The following RP1 variants were observed in gnomAD, a reference collection of about 807,000 sequenced individuals.
The protein encoded by RP1 is RP1 axonemal microtubule associated.
Under a neutral mutation model 14.8 loss-of-function variants are expected in RP1, and 16 were observed. That is an observed-to-expected ratio of 1.08 (90% CI 0.73 to 1.65). The LOEUF is 1.65. Among genes scored for constraint, RP1 ranks in the 40% most tolerant of loss-of-function variants. The probability of loss-of-function intolerance (pLI) is 0.00; values close to 1 mark genes in which losing one functional copy is unlikely to be tolerated. For synonymous variants in RP1, 876 were observed against 883.6 expected (o/e 0.99, Z 0.15); for missense variants, 2,631 against 2,535.0 (o/e 1.04, Z -0.81).
intron 1 of RP1, among the ~76,000 whole-genome samples, chr8:54,618,426 T>C (rs1024721975): frequency 1.3e-5 from 2 of 152,154 alleles, no homozygotes; most frequent in African/African-American, 4.8e-5. Context: ...CATAGATGTG[T>C]TCCCAAAGTG....
At position 54,643,798 on chromosome 8, in the gene RP1, T is replaced by G. The variant is rs1806494483; in HGVS notation, c.788-5187T>G. Among the ~76,000 whole-genome samples the G allele has an allele frequency of 3.3e-5, 5 of 152,294 alleles. No individual in the cohort carries two copies. The South Asian group carries it at 1.0e-3, about 32-fold the overall frequency. ...CTTGCAGCAGGGTAGCTGGAATGCC[T>G]GACTCCATCTTTGTGTAGCACTCTT... On this transcript the variant is annotated intron_variant, in intron 3 of 22. Coordinates refer to the RP1 transcript ENST00000636932.
At chr8:54,657,228 GTT>G (rs1015562156) in intron 6 of RP1, among the ~76,000 whole-genome samples, 2 of 152,114 alleles carry the variant, frequency 1.3e-5, no homozygotes, top group Non-Finnish European at 2.9e-5. Flanking sequence ...CTGAGAAGAT[GTT>G]CGCCAGGTGC....
intron 1 of RP1, among the ~76,000 whole-genome samples, chr8:54,620,744 T>C (rs1004053682): frequency 1.3e-5 from 2 of 152,230 alleles, no homozygotes; most frequent in African/African-American, 4.8e-5. Context: ...TTTCAAATTA[T>C]ACATATCCTT....
exon 4 of RP1, chr8:54,649,037 C>A (rs1585580604): frequency 1.3e-6 from 2 of 1,529,598 alleles, no homozygotes; most frequent in South Asian, 2.4e-5. Context: ...ATGCAGGGAC[C>A]AGCTCACAGA....
chr8:54,575,387 T>A (rs990461640), intron 1 of RP1, among the ~76,000 whole-genome samples: 5 of 151,216 alleles, frequency 3.3e-5, no homozygotes, highest in African/African-American at 1.2e-4. Context: ...GAAAAATTAT[T>A]TTTTTTTTAA....
chr8:54,623,696 G>A (rs1452747189), intron 3 of RP1, among the ~76,000 whole-genome samples: 2 of 152,170 alleles, frequency 1.3e-5, no homozygotes, highest in Admixed American at 1.3e-4. Context: ...GTCTAGCTCT[G>A]TTCTCTCTTG....
chr8:54,750,976 T>G (rs1809354472), intron 19 of RP1, among the ~76,000 whole-genome samples: 1 of 152,176 alleles, frequency 6.6e-6, no homozygotes, highest in African/African-American at 2.4e-5. Flanking sequence ...TCGGGTACCC[T>G]TCCACTCTGT....
intron 1 of RP1, among the ~76,000 whole-genome samples, chr8:54,590,956 A>G (rs1485548640): frequency 2.6e-5 from 4 of 152,170 alleles, no homozygotes; most frequent in Non-Finnish European, 5.9e-5. Flanking sequence ...ACCCAAACCT[A>G]AAGGTTAAAC....
intron 24 of RP1, among the ~76,000 whole-genome samples, chr8:54,825,747 G>A (rs570865523): frequency 1.3e-5 from 2 of 152,248 alleles, no homozygotes; most frequent in African/African-American, 4.8e-5. Flanking sequence ...TTCTTTAGTT[G>A]TATCAAGTTT....
At chr8:54,848,194 A>G (rs1811975561) in intron 25 of RP1, among the ~76,000 whole-genome samples, 1 of 152,060 alleles carries the variant, frequency 6.6e-6, no homozygotes, top group Non-Finnish European at 1.5e-5. Flanking sequence ...GGGCAGCAAA[A>G]GTTCCTGAGT....
At chr8:54,735,444 T>C (rs1467833624) in intron 18 of RP1, among the ~76,000 whole-genome samples, 1 of 152,166 alleles carries the variant, frequency 6.6e-6, no homozygotes, top group East Asian at 1.9e-4. Flanking sequence ...CTCTTTGGTG[T>C]ACTGTTAAAC....
intron 1 of RP1, among the ~76,000 whole-genome samples, chr8:54,564,930 A>AT (rs1409206549): frequency 1.3e-5 from 2 of 152,072 alleles, no homozygotes; most frequent in East Asian, 3.9e-4. Flanking sequence ...TTTATTTTTT[A>AT]TTTTTTGTAG....
At chr8:54,831,651 T>C (rs1811532470) in intron 24 of RP1, among the ~76,000 whole-genome samples, 1 of 151,832 alleles carries the variant, frequency 6.6e-6, no homozygotes, top group African/African-American at 2.4e-5. Flanking sequence ...TATATTTGCT[T>C]TAAACAGTCC....
intron 12 of RP1, among the ~76,000 whole-genome samples, chr8:54,694,943 T>C (rs1807819550): frequency 6.6e-6 from 1 of 152,202 alleles, no homozygotes; most frequent in Non-Finnish European, 1.5e-5. Context: ...TCCTGCTTTC[T>C]CTTGTGGGCA....
intron 21 of RP1, among the ~76,000 whole-genome samples, chr8:54,756,563 T>A (rs1235965397): frequency 6.6e-6 from 1 of 152,142 alleles, no homozygotes; most frequent in African/African-American, 2.4e-5. Context: ...CTGCTTTGAG[T>A]GAGTCAAAAG....
At chr8:54,870,529 C>G (rs954581711) in exon 29 of RP1, 1 of 152,178 alleles carries the variant, frequency 6.6e-6, no homozygotes, top group East Asian at 1.9e-4. Flanking sequence ...TGTGGGTCCA[C>G]TTGCAGTTTG....
intron 1 of RP1, among the ~76,000 whole-genome samples, chr8:54,591,590 T>A (rs1805043932): frequency 6.6e-6 from 1 of 152,144 alleles, no homozygotes; most frequent in African/African-American, 2.4e-5. Flanking sequence ...ATCTTATTTA[T>A]CAACTTGCTT....
intron 1 of RP1, among the ~76,000 whole-genome samples, chr8:54,607,549 G>C (rs1027644835): frequency 1.3e-5 from 2 of 152,168 alleles, no homozygotes; most frequent in African/African-American, 4.8e-5. Flanking sequence ...CATGCTGGGA[G>C]AACCACTACT....
At chr8:54,789,109 T>C (rs577448195) in intron 24 of RP1, among the ~76,000 whole-genome samples, 17 of 152,278 alleles carry the variant, frequency 1.1e-4, no homozygotes, top group African/African-American at 3.6e-4. Flanking sequence ...CTAGATTCTA[T>C]GGGGTCAGCC....
Sources: allele counts gnomAD v4.1 joint callset (sites outside exome capture counted in the v4.1 genomes callset), GRCh38; gene constraint gnomAD v4.1.1; transcripts MANE v1.5; gene names NCBI Gene and HGNC (gene_info 2026-07-23, HGNC 2026-07-21).